Variants in FRMD6 observed in about 807,000 individuals in gnomAD.
FRMD6 encodes FERM domain-containing protein 6.
A neutral mutation model predicts 73.2 loss-of-function variants in FRMD6; 37 were observed. That is an observed-to-expected ratio of 0.51 (90% CI 0.39 to 0.66). The LOEUF (loss-of-function observed/expected upper bound fraction) is 0.66, where lower values mean the gene tolerates loss of function less well. Among genes scored for constraint, FRMD6 ranks in the 30% least tolerant of loss-of-function variants. The pLI is 0.00. For synonymous variants in FRMD6, 273 were observed against 282.2 expected, an observed-to-expected ratio of 0.97 and a Z score of 0.33; for missense variants, 714 against 780.5, an observed-to-expected ratio of 0.91 and a Z score of 1.02.
intron 4 of FRMD6, among the ~76,000 whole-genome samples, chr14:51,701,634 T>TA (rs1048898839): frequency 1.1e-4 from 16 of 148,844 alleles, no homozygotes; most frequent in Admixed American, 1.3e-4. Flanking sequence ...AAAAGAAACT[T>TA]ATAAGTTCTA....
chr14:51,505,056 G>A (rs1216543233), intron 1 of FRMD6, among the ~76,000 whole-genome samples: 2 of 152,094 alleles, frequency 1.3e-5, no homozygotes, highest in African/African-American at 2.4e-5. Flanking sequence ...ATTGTTCCTT[G>A]GGTGGCTTAC....
intron 2 of FRMD6, among the ~76,000 whole-genome samples, chr14:51,572,493 T>C (rs1888183405): frequency 6.6e-6 from 1 of 152,226 alleles, no homozygotes; most frequent in African/African-American, 2.4e-5. Flanking sequence ...ATCTATGACA[T>C]ATTGCCCTGT....
intron 1 of FRMD6, among the ~76,000 whole-genome samples, chr14:51,658,431 A>G (rs896016700): frequency 6.6e-6 from 1 of 152,126 alleles, no homozygotes; most frequent in African/African-American, 2.4e-5. Context: ...TTGTTGATCC[A>G]TAAATGATCT....
chr14:51,711,338 T>A (rs145533707), intron 7 of FRMD6, among the ~76,000 whole-genome samples, 193 bp from the exon 8 acceptor site: 132 of 152,302 alleles, frequency 8.7e-4, no homozygotes, highest in Non-Finnish European at 1.0e-3. Context: ...CATTCTTGAT[T>A]TAATATGTGC....
At chr14:51,624,660 C>A (rs74566463) in intron 2 of FRMD6, among the ~76,000 whole-genome samples, 11,090 of 152,212 alleles carry the variant, frequency 0.073, 505 homozygotes, top group Admixed American at 0.14. Context: ...CTCTGCTTAG[C>A]GAGTGGACAA....
intron 2 of FRMD6, among the ~76,000 whole-genome samples, chr14:51,632,870 C>T (rs1277981361): frequency 6.6e-6 from 1 of 152,200 alleles, no homozygotes; most frequent in African/African-American, 2.4e-5. Flanking sequence ...AGGCATGGAA[C>T]TTGTTTGGAC....
intron 2 of FRMD6, among the ~76,000 whole-genome samples, chr14:51,623,837 T>C (rs887866480): frequency 9.2e-5 from 14 of 152,170 alleles, no homozygotes; most frequent in Admixed American, 9.2e-4. Context: ...TTGAATAAAT[T>C]GAAGAAATGA....
At chr14:51,727,088 G>A (rs982500106) in intron 13 of FRMD6, among the ~76,000 whole-genome samples, 14 of 151,486 alleles carry the variant, frequency 9.2e-5, no homozygotes, top group Non-Finnish European at 1.3e-4. Flanking sequence ...CCCCCGACTC[G>A]TGTTCGGGAA....
intron 2 of FRMD6, among the ~76,000 whole-genome samples, chr14:51,592,506 A>G (rs1043556184): frequency 2.0e-5 from 3 of 152,242 alleles, no homozygotes; most frequent in African/African-American, 4.8e-5. Context: ...ACTTGCCAGC[A>G]GTTGCTGAAA....
At chr14:51,640,633 C>A (rs1203136189) in intron 2 of FRMD6, among the ~76,000 whole-genome samples, 1 of 152,052 alleles carries the variant, frequency 6.6e-6, no homozygotes, top group Non-Finnish European at 1.5e-5. Context: ...TATTTGAATT[C>A]ATAATTATAT....
the FRMD6 span, among the ~76,000 whole-genome samples, chr14:51,458,019 AC>A: frequency 6.6e-6 from 1 of 152,120 alleles, no homozygotes; most frequent in Non-Finnish European, 1.5e-5. Flanking sequence ...TTGTTTATTA[AC>A]CTTTTTAAGG....
At chr14:51,571,329 C>T (rs147753576) in intron 2 of FRMD6, among the ~76,000 whole-genome samples, 14 of 152,310 alleles carry the variant, frequency 9.2e-5, no homozygotes, top group African/African-American at 3.1e-4. Context: ...CAGTGTGCCT[C>T]TGAAGCCATT....
At chr14:51,504,132 G>A (rs371542383) in intron 1 of FRMD6, among the ~76,000 whole-genome samples, 2 of 152,022 alleles carry the variant, frequency 1.3e-5, no homozygotes, top group African/African-American at 4.8e-5. Flanking sequence ...GTCTAGCTAG[G>A]TTTCTAGCTT....
chr14:51,583,807 G>A (rs1888869787), intron 2 of FRMD6, among the ~76,000 whole-genome samples: 2 of 152,160 alleles, frequency 1.3e-5, no homozygotes, highest in African/African-American at 4.8e-5. Flanking sequence ...ACTTGGTTCT[G>A]GTGCAGAACC....
intron 2 of FRMD6, among the ~76,000 whole-genome samples, chr14:51,594,392 G>A (rs547347347): frequency 9.2e-5 from 14 of 151,596 alleles, no homozygotes; most frequent in Non-Finnish European, 1.5e-5. Flanking sequence ...GCAATGGTGC[G>A]ATCTTGGCTC....
intron 2 of FRMD6, among the ~76,000 whole-genome samples, chr14:51,691,394 G>T (rs1173308389): frequency 6.6e-6 from 1 of 152,016 alleles, no homozygotes; most frequent in African/African-American, 2.4e-5. Context: ...AGCCTTGGTA[G>T]AGACTGCCAA....
intron 1 of FRMD6, among the ~76,000 whole-genome samples, chr14:51,671,230 A>T (rs775623792): frequency 1.3e-5 from 2 of 152,178 alleles, no homozygotes; most frequent in Non-Finnish European, 2.9e-5. Flanking sequence ...AATGTCACCT[A>T]GTTTGGGAAA....
intron 2 of FRMD6, among the ~76,000 whole-genome samples, chr14:51,592,045 A>G (rs1035656630): frequency 6.6e-6 from 1 of 152,212 alleles, no homozygotes; most frequent in Non-Finnish European, 1.5e-5. Flanking sequence ...TCCATAGGAA[A>G]AAAGTTACCA....
chr14:51,698,339 CA>C (rs1407436064), intron 3 of FRMD6, 107 bp downstream of exon 3: 1 of 597,852 alleles, frequency 1.7e-6, no homozygotes, highest in Non-Finnish European at 2.9e-6. Context: ...CTGTGATTGT[CA>C]AAATACCCAT....
Sources: gnomAD v4.1 joint callset for allele counts (sites outside exome capture counted in the v4.1 genomes callset) on GRCh38, gnomAD v4.1.1 for gene constraint, MANE v1.5 for transcripts, NCBI Gene and HGNC (gene_info 2026-07-23, HGNC 2026-07-21) for gene names.